UNC80: variants seen among roughly 807,000 people sequenced by gnomAD.
UNC80 encodes protein unc-80 homolog.
A neutral mutation model predicts 384.6 loss-of-function variants in UNC80; 164 were observed. The observed-to-expected ratio is 0.43, with a 90% CI of 0.38 to 0.49. UNC80 has a LOEUF of 0.49. UNC80 is among the 20% of genes least tolerant of loss of function. UNC80 has a pLI of 0.00. For synonymous variants in UNC80, 1,486 were observed against 1,527.8 expected, an observed-to-expected ratio of 0.97 and a Z score of 0.64; for missense variants, 3,330 against 4,143.0, an observed-to-expected ratio of 0.80 and a Z score of 5.39.
At chr2:209,883,164 A>G (rs2085452543) in intron 25 of UNC80, among the ~76,000 whole-genome samples, 1 of 152,220 alleles carries the variant, frequency 6.6e-6, no homozygotes, top group East Asian at 1.9e-4. Context: ...AACTCAAGCC[A>G]CATTCTAACT....
chr2:209,888,294 G>T, intron 26 of UNC80, 34 bp downstream of exon 26: 1 of 1,548,128 alleles, frequency 6.5e-7, no homozygotes, highest in South Asian at 1.2e-5. Context: ...CATGTTTCAG[G>T]GTTTCTTGTT....
At chr2:209,986,298 A>G (rs2093286205) in intron 61 of UNC80, among the ~76,000 whole-genome samples, 1 of 152,232 alleles carries the variant, frequency 6.6e-6, no homozygotes, top group Non-Finnish European at 1.5e-5. Context: ...TCAGACTTCC[A>G]CTTAGCTAGC....
At chr2:209,983,341 T>C (rs1225464871) in intron 60 of UNC80, among the ~76,000 whole-genome samples, 1 of 151,682 alleles carries the variant, frequency 6.6e-6, no homozygotes, top group Admixed American at 6.6e-5. Context: ...AAATCATTAA[T>C]AAACAAGTTG....
chr2:209,847,463 ATGATTCT>A (rs1357704913), intron 21 of UNC80, among the ~76,000 whole-genome samples: 4 of 151,790 alleles, frequency 2.6e-5, no homozygotes, highest in Admixed American at 6.6e-5. Flanking sequence ...TATTAATAAC[ATGATTCT>A]TACGTCCTGT....
intron 13 of UNC80, among the ~76,000 whole-genome samples, chr2:209,822,967 T>G (rs1002093941): frequency 1.3e-5 from 2 of 152,176 alleles, no homozygotes; most frequent in African/African-American, 4.8e-5. Flanking sequence ...ATTTATAAAA[T>G]AAAACCTGAT....
intron 51 of UNC80, among the ~76,000 whole-genome samples, chr2:209,962,010 C>A (rs2092606581): frequency 2.0e-5 from 3 of 152,088 alleles, no homozygotes; most frequent in Admixed American, 2.0e-4. Flanking sequence ...TTCTAATAGA[C>A]CAAGTGAGGA....
rs2084374466 is a variant in UNC80 at position 209,872,382 on chromosome 2, A to G, written c.3628-376A>G. On this transcript the variant is annotated intron_variant, in intron 22 of 64. Transcript: ENST00000673920. This position sits in a 1 kb window ranked among gnomAD's most constrained non-coding sequence, Gnocchi z 4.1. ...TATTTGTTTGCTTCATGTAAAATTTAGGGTTCAAAAAAAGATTCATCTTTA... is the reference window on the plus strand; with the variant it reads ...TATTTGTTTGCTTCATGTAAAATTTGGGGTTCAAAAAAAGATTCATCTTTA... 6.6e-6 allele frequency among the ~76,000 whole-genome samples: 1 copy of G among 152,200 alleles called. No individual in the cohort carries two copies. Among genetic ancestry groups the G allele is most frequent in the Non-Finnish European group, 1.5e-5 (1 of 68,032 alleles).
At chr2:209,802,950 G>A (rs904458168) in intron 7 of UNC80, among the ~76,000 whole-genome samples, 1 of 152,134 alleles carries the variant, frequency 6.6e-6, no homozygotes, top group African/African-American at 2.4e-5. Context: ...TCTGAAGCCT[G>A]CCCACAGTTA....
At chr2:209,982,565 C>T in intron 60 of UNC80, 1 of 349,518 alleles carries the variant, frequency 2.9e-6, no homozygotes, top group South Asian at 7.4e-5. Context: ...TCCATAGACA[C>T]ATGGTCTTCT....
At chr2:209,795,020 A>G in intron 7 of UNC80, 1 of 254,730 alleles carries the variant, frequency 3.9e-6, no homozygotes, top group South Asian at 3.8e-5. Context: ...GAACAGTTTG[A>G]AGAGCTCAGA....
Position 209,840,521 on chromosome 2 carries a change from AGT to A in UNC80, c.3251-19_3251-18del, listed in dbSNP as rs1466054888. ...GGATAGAAAATGCTACATTGATCTA[AGT>A]GATTTAACTATTAAATAGGGAACTG... On this transcript the variant is annotated intron_variant, in intron 19 of 64. Transcript: ENST00000673920. 6.5e-6 allele frequency: 10 copies of A among 1,540,190 alleles called. No individual in the cohort carries two copies. In the South Asian group the frequency reaches 1.2e-4, roughly 18 times the overall value.
chr2:209,813,765 T>C lies in UNC80; in HGVS notation c.1124T>C (p.Ile375Thr). ...EKPEKPPEPD[I>T]PLLPRPRSSS... is the part of the protein sequence containing the mutation. ...CCAGAAAAGCCTCCGGAGCCAGATA[T>C]TCCTCTCCTGCCCAGACCCAGGAGT... is the stretch of plus-strand genomic sequence containing the variant. Residue 375 changes from isoleucine to threonine, a missense_variant, in exon 8 of 65, where the codon ATT becomes ACT. Physicochemically the swap from Ile to Thr is moderately conservative, Grantham distance 89. Transcript: ENST00000673920. The C allele has an allele frequency of 6.4e-7, 1 of 1,551,942 alleles. No homozygotes were observed. The highest frequency in any genetic ancestry group is 8.7e-7 in the Non-Finnish European group (1 of 1,147,048).
chr2:209,853,275 A>G (rs1046904678), intron 22 of UNC80, among the ~76,000 whole-genome samples: 6 of 152,104 alleles, frequency 3.9e-5, no homozygotes, highest in African/African-American at 1.2e-4. Flanking sequence ...ACATAATTTT[A>G]TATTAGAATA....
chr2:209,925,577 C>T (rs2090369097), intron 35 of UNC80, among the ~76,000 whole-genome samples: 2 of 152,152 alleles, frequency 1.3e-5, no homozygotes, highest in Admixed American at 6.5e-5. Flanking sequence ...TGGCCCCTCC[C>T]ACATCCATTG....
In UNC80 at chr2:209,973,365, G is replaced by A. The variant is rs2092931763; in HGVS notation, c.8587+95G>A. The A allele has an allele frequency of 4.3e-6, 5 of 1,171,106 alleles. No homozygotes were observed. In the South Asian group the frequency reaches 8.2e-5, roughly 19 times the overall value. 72.5% of individuals were successfully genotyped at this position (1,171,106 alleles called of 1,614,324 possible). ...AGATAGATAGATAAATAAATAAATA[G>A]ATGTACTTAGTTAAGTTCCAACTTA... On this transcript the variant is annotated intron_variant, in intron 56 of 64. Transcript: ENST00000673920.
chr2:209,772,042 T>A lies in UNC80; in HGVS notation c.-31T>A. The A allele has an allele frequency of 1.3e-6, 2 of 1,502,580 alleles. No individual in the cohort carries two copies. The highest frequency in any genetic ancestry group is 1.8e-6 in the Non-Finnish European group (2 of 1,104,354). 93.1% of individuals were successfully genotyped at this position (1,502,580 alleles called of 1,614,324 possible). ...CGGCTAGCGAGGAGACAGAGCTGGGTCCTGCAGTAGGACTCCCGGGAGCCA... is the reference window on the plus strand; with the variant it reads ...CGGCTAGCGAGGAGACAGAGCTGGGACCTGCAGTAGGACTCCCGGGAGCCA... On this transcript the variant is annotated 5_prime_UTR_variant, in exon 1 of 65. Transcript: ENST00000673920.
At chr2:209,841,773 A>G (rs1237252445) in intron 20 of UNC80, among the ~76,000 whole-genome samples, 1 of 152,206 alleles carries the variant, frequency 6.6e-6, no homozygotes, top group African/African-American at 2.4e-5. Context: ...TCTATTTGCT[A>G]AAAAACATAA....
At chr2:209,961,210 C>T (rs905123753) in intron 51 of UNC80, 1 of 152,070 alleles carries the variant, frequency 6.6e-6, no homozygotes, top group Admixed American at 6.6e-5. Flanking sequence ...AGGCCTGGCG[C>T]TCCCTCTAGA....
At chr2:209,772,407 A>G (rs886513332) in intron 1 of UNC80, among the ~76,000 whole-genome samples, 1 of 145,606 alleles carries the variant, frequency 6.9e-6, no homozygotes, top group Non-Finnish European at 1.5e-5. Flanking sequence ...AAATGTATAC[A>G]TTATTTTAGG....
Sources: gnomAD v4.1 joint callset for allele counts (sites outside exome capture counted in the v4.1 genomes callset) on GRCh38, gnomAD v4.1.1 for gene constraint, Gnocchi (gnomAD v3.1) non-coding constraint, MANE v1.5 for transcripts, NCBI Gene and HGNC (gene_info 2026-07-23, HGNC 2026-07-21) for gene names.